B4GALT4: variants seen among roughly 807,000 people sequenced by gnomAD.
B4GALT4 encodes the protein N-acetyllactosamine synthase.
A neutral mutation model predicts 37.3 loss-of-function variants in B4GALT4; 27 were observed. The observed-to-expected ratio is 0.72, with a 90% CI of 0.53 to 1.00. The LOEUF (loss-of-function observed/expected upper bound fraction) is 1.00. Among genes scored for constraint, B4GALT4 ranks in the 50% least tolerant of loss-of-function variants. B4GALT4 has a pLI of 0.00. For missense variants in B4GALT4, 372 were observed against 413.1 expected (o/e 0.90, Z 0.86); for synonymous variants, 148 against 154.1 (o/e 0.96, Z 0.29).
At chr3:119,231,338 C>T (rs1426683705) in intron 2 of B4GALT4, among the ~76,000 whole-genome samples, 2 of 152,188 alleles carry the variant, frequency 1.3e-5, no homozygotes, top group African/African-American at 2.4e-5. Context: ...TTGCCGCCAG[C>T]AACATCCACC....
chr3:119,225,821 T>C (rs898996819), intron 4 of B4GALT4, among the ~76,000 whole-genome samples: 1 of 152,170 alleles, frequency 6.6e-6, no homozygotes, highest in Non-Finnish European at 1.5e-5. Context: ...ACCAACAACC[T>C]TAAAAACAAA....
At position 119,212,447 on chromosome 3, in the gene B4GALT4, G is replaced by T; in HGVS notation, c.*102C>A. 1 of 1,200,804 alleles carries T rather than the reference G, an allele frequency of 8.3e-7. No homozygotes were observed. Among genetic ancestry groups the T allele is most frequent in the Admixed American group, 2.3e-5 (1 of 43,128 alleles). The allele number at this position is 1,200,804 out of a possible 1,614,324, so 74.4% of individuals were successfully genotyped here. A position where few individuals can be genotyped will look rare whatever the true frequency, so the allele number is the denominator to read the frequency against. On this transcript the variant is annotated 3_prime_UTR_variant, in exon 8 of 8. Coordinates refer to ENST00000393765, the MANE Select transcript of B4GALT4 (RefSeq NM_003778.4). ...AAGGAAAAATTCAGCTCAACAATGAGCTGTAACAGGTTCTTAATGTGTGCT... is the reference window on the plus strand; with the variant it reads ...AAGGAAAAATTCAGCTCAACAATGATCTGTAACAGGTTCTTAATGTGTGCT...
intron 3 of B4GALT4, among the ~76,000 whole-genome samples, chr3:119,227,970 C>T (rs1191561022): frequency 6.6e-6 from 1 of 152,154 alleles, no homozygotes; most frequent in Non-Finnish European, 1.5e-5. Flanking sequence ...TTCTTCAAGC[C>T]ACCCAAAGAG....
chr3:119,217,557 C>G (rs1332881385), intron 6 of B4GALT4, among the ~76,000 whole-genome samples: 2 of 152,184 alleles, frequency 1.3e-5, no homozygotes, highest in African/African-American at 4.8e-5. Flanking sequence ...AATTTCCTTT[C>G]CAGCCAGGCA....
Position 119,224,202 on chromosome 3 carries a change from C to A in B4GALT4, c.530G>T (p.Gly177Val). Residue 177 changes from glycine to valine, a missense_variant, in exon 5 of 8, where the codon GGC (glycine) becomes GTC (valine). Transcript: ENST00000393765. Reference protein sequence around the residue: ...KFNRAKLLNVGYLEALKEENW... With the variant: ...KFNRAKLLNVVYLEALKEENW... ...TTCTTCCTTGAGGGCTTCTAGATAGCCCACATTCAAGAGTTTGGCTCGATT... is the reference window on the plus strand; with the variant it reads ...TTCTTCCTTGAGGGCTTCTAGATAGACCACATTCAAGAGTTTGGCTCGATT... The A allele has an allele frequency of 1.2e-6, 2 of 1,612,878 alleles. No individual in the cohort carries two copies. Among genetic ancestry groups the A allele is most frequent in the Non-Finnish European group, 1.7e-6 (2 of 1,179,568 alleles).
chr3:119,240,242 T>G (rs979783464), intron 1 of B4GALT4: 8 of 142,666 alleles, frequency 5.6e-5, no homozygotes, highest in Non-Finnish European at 1.3e-4. Context: ...ACTTTGTCTG[T>G]TTTTTTTCAA....
chr3:119,214,347 G>A (rs1182397429), intron 7 of B4GALT4: 1 of 152,098 alleles, frequency 6.6e-6, no homozygotes, highest in Non-Finnish European at 1.5e-5. Context: ...AAATTTAAGG[G>A]GAAAAATCAG....
intron 6 of B4GALT4, among the ~76,000 whole-genome samples, chr3:119,217,543 T>C (rs571138165): frequency 6.6e-6 from 1 of 152,236 alleles, no homozygotes; most frequent in East Asian, 1.9e-4. Flanking sequence ...AGCCCCAGGT[T>C]AGAAATTTCC....
At position 119,230,468 on chromosome 3, in the gene B4GALT4, C is replaced by T. The variant is rs572453714; in HGVS notation, c.-145-224G>A. 32 of 232,094 alleles carry T rather than the reference C, an allele frequency of 1.4e-4. 1 individual carries two copies. The highest frequency in any genetic ancestry group is 7.1e-4 in the African/African-American group (31 of 43,448). The allele number at this position is 232,094 out of a possible 1,614,324, so 14.4% of individuals were successfully genotyped here. ...AGTTTATCAGCCAGGCTGTCTGCCACCCAAGAAGGGAAGCAATTTCCAAAT... is the reference window on the plus strand; with the variant it reads ...AGTTTATCAGCCAGGCTGTCTGCCATCCAAGAAGGGAAGCAATTTCCAAAT... On this transcript the variant is annotated intron_variant, in intron 2 of 7. Coordinates refer to ENST00000393765, the MANE Select transcript of B4GALT4 (RefSeq NM_003778.4).
At chr3:119,233,119 G>A (rs1462003176) in intron 2 of B4GALT4, 1 of 152,168 alleles carries the variant, frequency 6.6e-6, no homozygotes, top group Admixed American at 6.5e-5. Context: ...TGGGAACATG[G>A]CTTTTCTAAG....
At chr3:119,229,677 G>C (rs1201639485) in intron 3 of B4GALT4, among the ~76,000 whole-genome samples, 170 bp downstream of exon 3, 1 of 151,942 alleles carries the variant, frequency 6.6e-6, no homozygotes, top group African/African-American at 2.4e-5. Flanking sequence ...TCTGAGTTTT[G>C]TACTTTCTTG....
In B4GALT4 at chr3:119,226,865, G is replaced by A; in HGVS notation, c.430C>T (p.Leu144=). 3 of 1,614,200 alleles carry A rather than the reference G, an allele frequency of 1.9e-6. No homozygotes were observed. Among genetic ancestry groups the A allele is most frequent in the Non-Finnish European group, 2.5e-6 (3 of 1,180,030 alleles). ...TGCTGCCTCTGCAGGAAGGGATGCA[G>A]ATGTTCCAGCAGGTACATCAGGTGT... ...EKHLMYLLEH[L]HPFLQRQQLD... Residue 144 remains leucine, a synonymous_variant, in exon 4 of 8, where the codon CTG becomes TTG. Coordinates refer to ENST00000393765, the MANE Select transcript of B4GALT4 (RefSeq NM_003778.4).
At chr3:119,217,382 A>C (rs933104663) in intron 6 of B4GALT4, among the ~76,000 whole-genome samples, 3 of 152,322 alleles carry the variant, frequency 2.0e-5, no homozygotes, top group African/African-American at 7.2e-5. Flanking sequence ...ATTTCTGTAG[A>C]GCCCCTGGTC....
At chr3:119,220,696 C>T (rs2078423133) in intron 5 of B4GALT4, among the ~76,000 whole-genome samples, 1 of 152,096 alleles carries the variant, frequency 6.6e-6, no homozygotes, top group African/African-American at 2.4e-5. Flanking sequence ...GACAAGTCAG[C>T]AAGAAGGGTT....
rs899308387 is a variant in B4GALT4, at chr3:119,240,850, C to T, written c.-364G>A. 5.9e-5 allele frequency: 9 copies of T among 152,388 alleles called. No homozygotes were observed. In the East Asian group the frequency reaches 1.7e-3, roughly 29 times the overall value. The allele number at this position is 152,388 out of a possible 1,614,324, so 9.4% of individuals were successfully genotyped here. On this transcript the variant is annotated splice_region_variant and 5_prime_UTR_variant, in exon 1 of 8. Coordinates refer to ENST00000393765, the MANE Select transcript of B4GALT4 (RefSeq NM_003778.4). ...GCGCCGGCGGAGCCAGCGTACTCAC[C>T]CCGGAGGCGGCCGCGGCGAGCTAGC... is the stretch of plus-strand genomic sequence containing the variant.
At chr3:119,222,894 CG>C (rs1389001749) in intron 5 of B4GALT4, among the ~76,000 whole-genome samples, 6 of 152,092 alleles carry the variant, frequency 3.9e-5, no homozygotes, top group Non-Finnish European at 7.4e-5. Flanking sequence ...TACACACAGC[CG>C]GGGTTTAAAG....
At chr3:119,223,953 T>C (rs1021715113) in intron 5 of B4GALT4, 105 bp downstream of exon 5, 1 of 1,269,164 alleles carries the variant, frequency 7.9e-7, no homozygotes, top group African/African-American at 1.5e-5. Context: ...GACCATTTTT[T>C]CTATTTCTCA....
intron 6 of B4GALT4, 63 bp downstream of exon 6, chr3:119,218,587 G>A: frequency 6.2e-7 from 1 of 1,602,482 alleles, no homozygotes; most frequent in Non-Finnish European, 8.5e-7. Flanking sequence ...AAATATAAAT[G>A]CAGGTCTCCA....
chr3:119,223,070 T>C (rs550801217), intron 5 of B4GALT4, among the ~76,000 whole-genome samples: 1 of 152,234 alleles, frequency 6.6e-6, no homozygotes, highest in South Asian at 2.1e-4. Flanking sequence ...TCTCCAGCAT[T>C]ATTTGATAGT....
Sources: gnomAD v4.1 joint callset for allele counts (sites outside exome capture counted in the v4.1 genomes callset) on GRCh38, gnomAD v4.1.1 for gene constraint, MANE v1.5 for transcripts, NCBI Gene and HGNC (gene_info 2026-07-23, HGNC 2026-07-21) for gene names.